Variants in SNTB2 observed in about 807,000 individuals in gnomAD.
SNTB2 encodes syntrophin beta 2, also known as beta-2-syntrophin.
SNTB2 carries 34 observed loss-of-function variants against 46.2 expected under a neutral mutation model. That is an observed-to-expected ratio of 0.74 (90% CI 0.56 to 0.98). The LOEUF (loss-of-function observed/expected upper bound fraction) is 0.98, where lower values mean the gene tolerates loss of function less well. SNTB2 is among the 50% of genes least tolerant of loss of function. The probability of loss-of-function intolerance (pLI) is 0.00; values close to 1 mark genes in which losing one functional copy is unlikely to be tolerated. For synonymous variants in SNTB2, 290 were observed against 312.6 expected (o/e 0.93, Z 0.76); for missense variants, 603 against 731.4 (o/e 0.82, Z 2.02).
At chr16:69,252,903 GTTTTTTTT>G (rs35211076) in intron 2 of SNTB2, among the ~76,000 whole-genome samples, 10 of 133,290 alleles carry the variant, frequency 7.5e-5, no homozygotes, top group African/African-American at 2.7e-4. Flanking sequence ...CCCTTTGTCA[GTTTTTTTT>G]TTTTTTTTTT....
At chr16:69,204,717 G>T (rs553264252) in intron 1 of SNTB2, among the ~76,000 whole-genome samples, 2 of 152,316 alleles carry the variant, frequency 1.3e-5, no homozygotes, top group Admixed American at 1.3e-4. Context: ...ATCTGCCAGT[G>T]TATGGAAATC....
At chr16:69,288,403 C>T (rs1182581641) in intron 5 of SNTB2, among the ~76,000 whole-genome samples, 4 of 152,094 alleles carry the variant, frequency 2.6e-5, no homozygotes, top group South Asian at 2.1e-4. Flanking sequence ...ACATATTTTT[C>T]GGTAATTTTA....
intron 1 of SNTB2, among the ~76,000 whole-genome samples, chr16:69,207,427 G>C (rs982212159): frequency 6.6e-6 from 1 of 151,806 alleles, no homozygotes; most frequent in Non-Finnish European, 1.5e-5. Context: ...CAAAGTGCTG[G>C]GATTACAGGC....
Position 69,239,433 on chromosome 16 carries a change from C to G in SNTB2, c.581-6169C>G, listed in dbSNP as rs1390866028. 3.9e-5 allele frequency among the ~76,000 whole-genome samples: 6 copies of G among 152,206 alleles called. No homozygotes were observed. The East Asian group carries it at 1.2e-3, about 29-fold the overall frequency. ...AAATTCTTGTAACTGTCACCACAAT[C>G]AGGATACAGGACCATTCCATGGTTT... On this transcript the variant is annotated intron_variant, in intron 1 of 6. Transcript: ENST00000336278.
At position 69,187,448 on chromosome 16, in the gene SNTB2, G is replaced by T; in HGVS notation, c.282G>T (p.Pro94=). The change falls in exon 1 of 7, where the codon CCG becomes CCT. Residue 94 remains proline (P), a synonymous_variant. Transcript: ENST00000336278. The part of the protein sequence containing the change: ...PGSPSRGLGP[P]SPPAPPRGPA... ...GCCCAAGCCGCGGCCTGGGGCCCCC[G>T]AGCCCGCCGGCGCCGCCTCGGGGCC... is the stretch of plus-strand genomic sequence containing the variant. 1 of 1,168,374 alleles carries T rather than the reference G, an allele frequency of 8.6e-7. No homozygotes were observed. Among genetic ancestry groups the T allele is most frequent in the Admixed American group, 4.7e-5 (1 of 21,326 alleles). 72.4% of individuals were successfully genotyped at this position (1,168,374 alleles called of 1,614,324 possible). A position where few individuals can be genotyped will look rare whatever the true frequency, so the allele number is the denominator to read the frequency against.
Position 69,270,275 on chromosome 16 carries a change from G to C in SNTB2, c.1138G>C (p.Val380Leu). 6.2e-7 allele frequency: 1 copy of C among 1,614,086 alleles called. No homozygotes were observed. The highest frequency in any genetic ancestry group is 2.2e-5 in the East Asian group (1 of 44,888). Residue 380 changes from valine to leucine, a missense_variant, in exon 4 of 7, where the codon GTT becomes CTT. By Grantham distance (32) the Val-to-Leu change is conservative. This residue lies in a region of SNTB2 where 537 missense variants were observed against 692.4 expected (regional missense o/e 0.78). Transcript: ENST00000336278. ...GTCACCATGCCACAGCTACCCACTT[G>C]TTGCCACCAGGTAAGTAAGACTAAA... ...WASPCHSYPL[V>L]ATRLVHSGSG...
chr16:69,278,457 GT>G (rs34221812), intron 4 of SNTB2, among the ~76,000 whole-genome samples: 4,235 of 140,188 alleles, frequency 0.03, 105 homozygotes, highest in African/African-American at 0.1. Context: ...TTTTTGTAGG[GT>G]TTTTTTTTTT....
intron 5 of SNTB2, among the ~76,000 whole-genome samples, chr16:69,295,230 A>AT (rs1160903028): frequency 0.04 from 3,288 of 81,930 alleles, 645 homozygotes; most frequent in African/African-American, 0.061. Context: ...AACATACTGA[A>AT]TTTTTTTTTT....
intron 1 of SNTB2, among the ~76,000 whole-genome samples, chr16:69,203,163 G>A (rs1436268253): frequency 6.6e-6 from 1 of 150,604 alleles, no homozygotes; most frequent in Non-Finnish European, 1.5e-5. Flanking sequence ...GATTACAGGC[G>A]CCCACCACCA....
In SNTB2 at chr16:69,278,887, A is replaced by AAAGT. The variant is rs1491440916; in HGVS notation, c.1149-5161_1149-5160insAAGT. 2.6e-5 allele frequency among the ~76,000 whole-genome samples: 3 copies of AAAGT among 113,298 alleles called. No homozygotes were observed. The East Asian group carries it at 7.8e-4, about 29-fold the overall frequency. 74.3% of individuals were successfully genotyped at this position (113,298 alleles called of 152,430 possible). ...TGTTTATTGATGGACAGAGGTGGGA[A>AAAGT]GAGTGTGTGTGTGTGTGTGTGTGTG... is the stretch of plus-strand genomic sequence containing the variant. On this transcript the variant is annotated intron_variant, in intron 4 of 6. Transcript: ENST00000336278.
chr16:69,281,230 T>C (rs1038334252), intron 4 of SNTB2, among the ~76,000 whole-genome samples: 5 of 151,328 alleles, frequency 3.3e-5, no homozygotes, highest in East Asian at 3.9e-4. Flanking sequence ...TCCTATGTTA[T>C]AGATTTTTTT....
At chr16:69,238,966 G>A (rs1964583577) in intron 1 of SNTB2, among the ~76,000 whole-genome samples, 1 of 152,104 alleles carries the variant, frequency 6.6e-6, no homozygotes, top group South Asian at 2.1e-4. Context: ...TGACCTAAAA[G>A]GCCGTACATG....
chr16:69,294,603 C>T (rs889377539), intron 5 of SNTB2, among the ~76,000 whole-genome samples: 16 of 151,092 alleles, frequency 1.1e-4, no homozygotes, highest in African/African-American at 3.2e-4. Context: ...CGTTGTGGTG[C>T]GCCCCTGTAG....
chr16:69,266,746 T>C (rs1964889285), intron 3 of SNTB2, among the ~76,000 whole-genome samples: 1 of 152,252 alleles, frequency 6.6e-6, no homozygotes, highest in South Asian at 2.1e-4. Flanking sequence ...AAACAGGGTC[T>C]CACTCTGTTG....
intron 1 of SNTB2, among the ~76,000 whole-genome samples, chr16:69,227,656 A>G (rs1964471952): frequency 6.6e-6 from 1 of 152,180 alleles, no homozygotes; most frequent in South Asian, 2.1e-4. Flanking sequence ...TTGAGTTTTA[A>G]TCCCTTCAGT....
At chr16:69,294,636 G>C (rs1019071921) in intron 5 of SNTB2, among the ~76,000 whole-genome samples, 5 of 152,004 alleles carry the variant, frequency 3.3e-5, no homozygotes, top group African/African-American at 1.2e-4. Flanking sequence ...GGGAGGCTGA[G>C]GCAGGAGAAT....
At chr16:69,292,082 G>A (rs1597203293) in intron 5 of SNTB2, among the ~76,000 whole-genome samples, 1 of 150,762 alleles carries the variant, frequency 6.6e-6, no homozygotes. Flanking sequence ...AGCCGGGTGT[G>A]GTGGCAGGTG....
At chr16:69,205,131 C>T (rs1417895924) in intron 1 of SNTB2, among the ~76,000 whole-genome samples, 1 of 151,574 alleles carries the variant, frequency 6.6e-6, no homozygotes, top group African/African-American at 2.4e-5. Context: ...TCAATTTCAT[C>T]CTGGGAAATA....
chr16:69,260,992 G>C (rs1964829145), intron 3 of SNTB2, among the ~76,000 whole-genome samples: 1 of 152,046 alleles, frequency 6.6e-6, no homozygotes, highest in Admixed American at 6.5e-5. Context: ...GAGAGTAAAA[G>C]TTCCGTGTGA....
Sources: gnomAD v4.1 joint callset for allele counts (sites outside exome capture counted in the v4.1 genomes callset) on GRCh38, gnomAD v4.1.1 for gene constraint, gnomAD v4.1.1 regional missense constraint, MANE v1.5 for transcripts, NCBI Gene and HGNC (gene_info 2026-07-23, HGNC 2026-07-21) for gene names.